Variants in CSE1L observed in about 807,000 individuals in gnomAD.
CSE1L encodes chromosome segregation 1 like, also known as exportin-2.
Under a neutral mutation model 120.4 loss-of-function variants are expected in CSE1L, and 24 were observed. That is an observed-to-expected ratio of 0.20 (90% CI 0.14 to 0.28). The LOEUF is 0.28. CSE1L is among the 10% of genes least tolerant of loss of function. The pLI, the probability that CSE1L is intolerant of heterozygous loss-of-function variation, is 1.00. For missense variants in CSE1L, 830 were observed against 1,145.2 expected (o/e 0.72, Z 3.97); for synonymous variants, 402 against 398.3 (o/e 1.01, Z -0.11).
intron 1 of CSE1L, among the ~76,000 whole-genome samples, chr20:49,051,789 C>G (rs912349597): frequency 6.6e-6 from 1 of 152,204 alleles, no homozygotes; most frequent in Non-Finnish European, 1.5e-5. Context: ...CCTTAAAATT[C>G]TGAGCTTAAC....
At chr20:49,068,526 G>C (rs1250696809) in intron 6 of CSE1L, among the ~76,000 whole-genome samples, 189 bp from the exon 7 acceptor site, 1 of 152,182 alleles carries the variant, frequency 6.6e-6, no homozygotes, top group Non-Finnish European at 1.5e-5. Flanking sequence ...GTGAACCCAG[G>C]AGGTGGAGCT....
intron 2 of CSE1L, among the ~76,000 whole-genome samples, chr20:49,061,167 ATTTTTTTTTTT>A (rs3092068): frequency 8.6e-6 from 1 of 116,304 alleles, no homozygotes; most frequent in Non-Finnish European, 1.7e-5. Flanking sequence ...ACTATTAAAA[ATTTTTTTTTTT>A]TTTTTTTTTT....
At chr20:49,091,147 G>A (rs998822271) in intron 21 of CSE1L, 125 bp downstream of exon 21, 12 of 711,370 alleles carry the variant, frequency 1.7e-5, no homozygotes, top group East Asian at 8.1e-5. Context: ...ACTTGGCCAC[G>A]TGTGGAGGTT....
chr20:49,061,174 T>G (rs1451491453), intron 2 of CSE1L, among the ~76,000 whole-genome samples: 2 of 146,622 alleles, frequency 1.4e-5, no homozygotes, highest in African/African-American at 5.1e-5. Flanking sequence ...AAAATTTTTT[T>G]TTTTTTTTTT....
intron 10 of CSE1L, among the ~76,000 whole-genome samples, chr20:49,073,330 A>G (rs533802720): frequency 2.0e-5 from 3 of 152,282 alleles, no homozygotes; most frequent in East Asian, 3.9e-4. Context: ...TTTTTAAACA[A>G]TCGACTTGAG....
chr20:49,068,917 TTTTTCTGAAAGAAAA>T (rs1294452456), intron 7 of CSE1L, 95 bp downstream of exon 7: 1 of 893,848 alleles, frequency 1.1e-6, no homozygotes, highest in African/African-American at 1.7e-5. Flanking sequence ...CCAGCATTGA[TTTTTCTGAAAGAAAA>T]GGTTTTTTCT....
intron 8 of CSE1L, among the ~76,000 whole-genome samples, chr20:49,071,962 C>T (rs1443537371): frequency 1.1e-5 from 1 of 93,932 alleles, no homozygotes. Context: ...AGGGAGACTG[C>T]GTCTCAAAAA....
At position 49,094,792 on chromosome 20, in the gene CSE1L, T is replaced by C; in HGVS notation, c.2655T>C (p.Pro885=). ...AGTTACCCGAAGATGATACCATTCC[T>C]GATGAGGAACATTTTATTGACATAG... ...LFELPEDDTI[P]DEEHFIDIED... Residue 885 remains proline (P), a synonymous_variant, in exon 24 of 25, where the codon CCT becomes CCC. Transcript: ENST00000262982. 2 of 1,614,098 alleles carry C rather than the reference T, an allele frequency of 1.2e-6. No individual in the cohort carries two copies. The highest frequency in any genetic ancestry group is 1.1e-5 in the South Asian group (1 of 91,084).
intron 16 of CSE1L, among the ~76,000 whole-genome samples, chr20:49,086,340 A>T: frequency 7.1e-6 from 1 of 140,144 alleles, no homozygotes; most frequent in East Asian, 2.0e-4. Flanking sequence ...TAATTGTGTA[A>T]TTATTGTTGT....
chr20:49,087,955 T>C, intron 16 of CSE1L, 54 bp from the exon 17 acceptor site: 1 of 1,262,336 alleles, frequency 7.9e-7, no homozygotes. Flanking sequence ...GTCGCTCTCT[T>C]ATTCTGAAGT....
At chr20:49,054,578 C>G (rs982035827) in intron 1 of CSE1L, among the ~76,000 whole-genome samples, 2 of 152,250 alleles carry the variant, frequency 1.3e-5, no homozygotes, top group Non-Finnish European at 2.9e-5. Flanking sequence ...GAGTGCCCTT[C>G]TTTGTGTGTA....
chr20:49,066,687 T>A (rs761582501), intron 5 of CSE1L, among the ~76,000 whole-genome samples, 177 bp downstream of exon 5: 7 of 152,242 alleles, frequency 4.6e-5, no homozygotes, highest in Admixed American at 2.0e-4. Context: ...TTCATATTGC[T>A]CTATTACCTG....
Position 49,092,101 on chromosome 20 carries a change from A to G in CSE1L, c.2421A>G (p.Gln807=), listed in dbSNP as rs1458433122. The part of the protein sequence containing the change: ...YCIKYGALAL[Q]EIFDGIQPKM... ...TAAAATATGGGGCACTAGCACTACA[A>G]GAAATATTTGATGGTATACAACCAA... The change falls in exon 22 of 25, where the codon CAA becomes CAG. Residue 807 remains glutamine (Q), a synonymous_variant. Coordinates refer to ENST00000262982, the MANE Select transcript of CSE1L (RefSeq NM_001316.4). 1 of 1,575,168 alleles carries G rather than the reference A, an allele frequency of 6.3e-7. No individual in the cohort carries two copies. Among genetic ancestry groups the G allele is most frequent in the Non-Finnish European group, 8.7e-7 (1 of 1,153,000 alleles).
At chr20:49,051,207 G>C (rs886544054) in intron 1 of CSE1L, among the ~76,000 whole-genome samples, 2 of 152,200 alleles carry the variant, frequency 1.3e-5, no homozygotes, top group Non-Finnish European at 2.9e-5. Flanking sequence ...CTTTTAGATA[G>C]GATGGTGCAG....
intron 11 of CSE1L, 105 bp from the exon 12 acceptor site, chr20:49,075,213 C>A: frequency 1.1e-6 from 1 of 918,796 alleles, no homozygotes; most frequent in Non-Finnish European, 1.6e-6. Context: ...TTCCGTTTTA[C>A]AATCGTAGCC....
intron 10 of CSE1L, among the ~76,000 whole-genome samples, chr20:49,074,079 C>T (rs1314681758): frequency 6.6e-6 from 1 of 151,564 alleles, no homozygotes; most frequent in Admixed American, 6.6e-5. Context: ...GGTATGGTGG[C>T]ATGGGCCTGT....
chr20:49,082,613 G>C (rs2145741584), intron 14 of CSE1L, among the ~76,000 whole-genome samples: 1 of 150,138 alleles, frequency 6.7e-6, no homozygotes, highest in South Asian at 2.1e-4. Flanking sequence ...TTCACCTCCT[G>C]GGTTCATGCC....
At chr20:49,088,319 A>G (rs532612715) in intron 17 of CSE1L, among the ~76,000 whole-genome samples, 1 of 152,322 alleles carries the variant, frequency 6.6e-6, no homozygotes, top group South Asian at 2.1e-4. Flanking sequence ...GCTTGAATAC[A>G]TTTTCATTCT....
At position 49,067,190 on chromosome 20, in the gene CSE1L, A is replaced by G. The variant is rs928113919; in HGVS notation, c.477A>G (p.Arg159=). 3 of 1,594,198 alleles carry G rather than the reference A, an allele frequency of 1.9e-6. No homozygotes were observed. Among genetic ancestry groups the G allele is most frequent in the African/African-American group, 2.7e-5 (2 of 74,418 alleles). The change falls in exon 6 of 25, where the codon AGA becomes AGG. Residue 159 remains arginine (R), a splice_region_variant and synonymous_variant. Transcript: ENST00000262982. ...TATCTGTTTTACCTTAATTTTCTAGATACCGTCATGAATTTAAGTCAAACG... is the reference window on the plus strand; with the variant it reads ...TATCTGTTTTACCTTAATTTTCTAGGTACCGTCATGAATTTAAGTCAAACG... The part of the protein sequence containing the change: ...VLRTAHSLFK[R]YRHEFKSNEL...
Sources: gnomAD v4.1 joint callset for allele counts (sites outside exome capture counted in the v4.1 genomes callset) on GRCh38, gnomAD v4.1.1 for gene constraint, MANE v1.5 for transcripts, NCBI Gene and HGNC (gene_info 2026-07-23, HGNC 2026-07-21) for gene names.